Variants in SOX5 observed in about 807,000 individuals in gnomAD.
SOX5 encodes the protein transcription factor SOX-5.
Under a neutral mutation model 92.0 loss-of-function variants are expected in SOX5, and 9 were observed. The ratio of observed to expected loss-of-function variants is 0.10; its 90% confidence interval spans 0.06 to 0.17. SOX5 has a LOEUF of 0.17. Among genes scored for constraint, SOX5 ranks in the 10% least tolerant of loss-of-function variants. The pLI, the probability that SOX5 is intolerant of heterozygous loss-of-function variation, is 1.00. For missense variants in SOX5, 642 were observed against 944.5 expected, an observed-to-expected ratio of 0.68 and a Z score of 4.20; for synonymous variants, 344 against 336.3, an observed-to-expected ratio of 1.02 and a Z score of -0.25.
At chr12:23,706,020 C>T (rs982802766) in intron 6 of SOX5, among the ~76,000 whole-genome samples, 3 of 151,768 alleles carry the variant, frequency 2.0e-5, no homozygotes, top group African/African-American at 7.3e-5. Context: ...TTGCTTCTCA[C>T]CACTATTTGC....
chr12:24,481,088 G>T (rs1001107466), intron 1 of SOX5, among the ~76,000 whole-genome samples: 1 of 152,146 alleles, frequency 6.6e-6, no homozygotes, highest in Non-Finnish European at 1.5e-5. Context: ...AAAAGAATGA[G>T]ATCCTATCAT....
chr12:23,531,034 T>C lies in SOX5; in HGVS notation c.*3185A>G, dbSNP rs1374915316. 1 of 152,104 alleles carries C rather than the reference T, an allele frequency of 6.6e-6. No homozygotes were observed. The highest frequency in any genetic ancestry group is 1.5e-5 in the Non-Finnish European group (1 of 68,024). 9.4% of individuals were successfully genotyped at this position (152,104 alleles called of 1,614,324 possible). A position where few individuals can be genotyped will look rare whatever the true frequency, so the allele number is the denominator to read the frequency against. ...TTTACCAAAATTATAAATCAACCAATGCCAAAAAGGCAATGTAGTAACACA... is the reference window on the plus strand; with the variant it reads ...TTTACCAAAATTATAAATCAACCAACGCCAAAAAGGCAATGTAGTAACACA... On this transcript the variant is annotated 3_prime_UTR_variant, in exon 15 of 15. Coordinates refer to ENST00000451604, the MANE Select transcript of SOX5 (RefSeq NM_006940.6).
intron 10 of SOX5, among the ~76,000 whole-genome samples, chr12:23,572,324 T>C (rs1202955154): frequency 6.6e-6 from 1 of 152,182 alleles, no homozygotes; most frequent in African/African-American, 2.4e-5. Context: ...ACAGCTTTTA[T>C]CCAACTACAT....
chr12:23,791,037 G>A (rs146238932), intron 3 of SOX5, among the ~76,000 whole-genome samples: 57 of 152,210 alleles, frequency 3.7e-4, no homozygotes, highest in Middle Eastern at 6.8e-3. Flanking sequence ...TCTAACAACT[G>A]CTGAGGATCA....
intron 4 of SOX5, among the ~76,000 whole-genome samples, chr12:24,135,684 G>T (rs1301607644): frequency 6.6e-6 from 1 of 152,184 alleles, no homozygotes; most frequent in Admixed American, 6.5e-5. Flanking sequence ...TCAGAGGATG[G>T]AGGGATGGCT....
At chr12:23,675,064 G>A (rs1004468317) in intron 6 of SOX5, among the ~76,000 whole-genome samples, 1 of 152,072 alleles carries the variant, frequency 6.6e-6, no homozygotes, top group African/African-American at 2.4e-5. Flanking sequence ...ATCATAAAAT[G>A]TAAATGTTTC....
intron 2 of SOX5, among the ~76,000 whole-genome samples, chr12:24,328,355 T>C (rs773793987): frequency 2.0e-5 from 3 of 152,164 alleles, no homozygotes; most frequent in Non-Finnish European, 4.4e-5. Context: ...GCTTAAGAAG[T>C]TGTATTCAGA....
chr12:23,933,386 C>G (rs988124993), intron 1 of SOX5, among the ~76,000 whole-genome samples: 2 of 151,686 alleles, frequency 1.3e-5, no homozygotes, highest in African/African-American at 4.8e-5. Flanking sequence ...ATGTCTCTTG[C>G]CTTGCAGATA....
intron 3 of SOX5, among the ~76,000 whole-genome samples, chr12:23,820,784 C>T (rs542158108): frequency 1.2e-4 from 18 of 152,158 alleles, no homozygotes; most frequent in African/African-American, 4.1e-4. Flanking sequence ...TGGTCTATAT[C>T]TCTGTTTTCA....
intron 3 of SOX5, among the ~76,000 whole-genome samples, chr12:23,799,731 T>G (rs1184328628): frequency 6.6e-6 from 1 of 152,028 alleles, no homozygotes; most frequent in African/African-American, 2.4e-5. Flanking sequence ...TCAGTATTAT[T>G]AATACTAACA....
At chr12:23,825,206 G>C (rs1005453542) in intron 3 of SOX5, among the ~76,000 whole-genome samples, 1 of 152,172 alleles carries the variant, frequency 6.6e-6, no homozygotes, top group Non-Finnish European at 1.5e-5. Flanking sequence ...TGAAACCCAG[G>C]GCCCTGGTGG....
chr12:23,722,050 A>C (rs1313821367), intron 6 of SOX5, among the ~76,000 whole-genome samples: 6 of 152,330 alleles, frequency 3.9e-5, no homozygotes, highest in African/African-American at 1.4e-4. Context: ...AATTGTGTGA[A>C]TACACAGACA....
intron 1 of SOX5, among the ~76,000 whole-genome samples, chr12:24,494,051 T>C (rs2138016435): frequency 6.6e-6 from 1 of 152,312 alleles, no homozygotes; most frequent in South Asian, 2.1e-4. Context: ...GAAATAATGA[T>C]ATCTATTGAG....
In SOX5 at chr12:23,569,606, C is replaced by A. The variant is rs769648303; in HGVS notation, c.1342+6055G>T. On this transcript the variant is annotated intron_variant, in intron 10 of 14. Coordinates refer to ENST00000451604, the MANE Select transcript of SOX5 (RefSeq NM_006940.6). Reference sequence around the variant, plus strand: ...TTCCTGTGTCCCCTCTTGCCAGTCTCTCATGTGTCCTGCGTTTAAGCTGTA... The same window carrying A: ...TTCCTGTGTCCCCTCTTGCCAGTCTATCATGTGTCCTGCGTTTAAGCTGTA... Among the ~76,000 whole-genome samples, 31 of 152,334 alleles carry A rather than the reference C, an allele frequency of 2.0e-4. No individual in the cohort carries two copies. The Middle Eastern group carries it at 0.01, about 50-fold the overall frequency.
chr12:24,269,685 A>AT (rs1943447463), intron 3 of SOX5, among the ~76,000 whole-genome samples: 4 of 103,724 alleles, frequency 3.9e-5, no homozygotes, highest in Non-Finnish European at 4.1e-5. Flanking sequence ...CTTTATTTTT[A>AT]TTCTTTTTTT....
At chr12:24,407,368 T>C (rs1221438731) in intron 1 of SOX5, 1 of 152,204 alleles carries the variant, frequency 6.6e-6, no homozygotes, top group East Asian at 1.9e-4. Flanking sequence ...AGAACTTCAG[T>C]GCAACCTCAG....
intron 9 of SOX5, among the ~76,000 whole-genome samples, chr12:23,603,092 C>A (rs559450175): frequency 1.3e-5 from 2 of 151,968 alleles, no homozygotes; most frequent in African/African-American, 4.8e-5. Context: ...TTATATTCCC[C>A]AAAATATTTG....
intron 3 of SOX5, among the ~76,000 whole-genome samples, chr12:23,791,084 C>G (rs1415881498): frequency 2.6e-5 from 4 of 152,144 alleles, no homozygotes; most frequent in African/African-American, 9.7e-5. Flanking sequence ...TCCAACCTAT[C>G]TACCAGTAAT....
intron 1 of SOX5, among the ~76,000 whole-genome samples, chr12:24,527,602 T>C (rs1466622686): frequency 6.6e-6 from 1 of 152,332 alleles, no homozygotes; most frequent in African/African-American, 2.4e-5. Flanking sequence ...TCTTTTCAGT[T>C]TTCTCTATTG....
Sources: gnomAD v4.1 joint callset for allele counts (sites outside exome capture counted in the v4.1 genomes callset) on GRCh38, gnomAD v4.1.1 for gene constraint, MANE v1.5 for transcripts, NCBI Gene and HGNC (gene_info 2026-07-23, HGNC 2026-07-21) for gene names.